Variants in CNIH3 observed in about 807,000 individuals in gnomAD.
The protein encoded by CNIH3 is protein cornichon homolog 3.
A neutral mutation model predicts 24.1 loss-of-function variants in CNIH3; 14 were observed. The ratio of observed to expected loss-of-function variants is 0.58; its 90% CI spans 0.38 to 0.91. CNIH3 has a LOEUF of 0.91. Among genes scored for constraint, CNIH3 ranks in the 40% least tolerant of loss-of-function variants. The probability of loss-of-function intolerance (pLI) is 0.00; values close to 1 mark genes in which losing one functional copy is unlikely to be tolerated. For synonymous variants in CNIH3, 68 were observed against 73.8 expected, an observed-to-expected ratio of 0.92 and a Z score of 0.40; for missense variants, 178 against 196.8, an observed-to-expected ratio of 0.90 and a Z score of 0.57.
intron 3 of CNIH3, among the ~76,000 whole-genome samples, chr1:224,710,810 C>G (rs555931783): frequency 8.8e-4 from 134 of 152,310 alleles, no homozygotes; most frequent in African/African-American, 3.1e-3. Flanking sequence ...CATTTCAGCT[C>G]AAGTGTCGTC....
chr1:224,454,816 G>C (rs1383503573), intron 1 of CNIH3, among the ~76,000 whole-genome samples: 1 of 152,038 alleles, frequency 6.6e-6, no homozygotes, highest in Non-Finnish European at 1.5e-5. Context: ...GCTTGTGGAA[G>C]GATTAACTAG....
At chr1:224,485,404 A>G (rs974774315) in intron 1 of CNIH3, among the ~76,000 whole-genome samples, 1 of 152,184 alleles carries the variant, frequency 6.6e-6, no homozygotes, top group Admixed American at 6.5e-5. Context: ...TCTAGGCATC[A>G]GCCTTCTTCC....
At chr1:224,572,630 G>GTT (rs556982330) in intron 4 of CNIH3, among the ~76,000 whole-genome samples, 4 of 141,146 alleles carry the variant, frequency 2.8e-5, no homozygotes, top group East Asian at 2.0e-4. Flanking sequence ...TTAGGATAGG[G>GTT]TTTTTTTTTT....
intron 3 of CNIH3, among the ~76,000 whole-genome samples, chr1:224,605,731 A>G (rs548302196): frequency 1.3e-5 from 2 of 151,654 alleles, no homozygotes; most frequent in African/African-American, 4.8e-5. Context: ...CCAGAAGGGG[A>G]CTCAGTGCAT....
At chr1:224,679,471 G>A (rs1686299108) in intron 1 of CNIH3, among the ~76,000 whole-genome samples, 1 of 152,192 alleles carries the variant, frequency 6.6e-6, no homozygotes, top group Admixed American at 6.5e-5. Flanking sequence ...GGCTGTGGGT[G>A]GAAGCTTCAG....
intron 1 of CNIH3, among the ~76,000 whole-genome samples, chr1:224,635,594 G>T (rs1684049451): frequency 6.6e-6 from 1 of 152,250 alleles, no homozygotes; most frequent in Non-Finnish European, 1.5e-5. Context: ...TCACAGCACA[G>T]CCGAGCCGGC....
chr1:224,590,833 A>G (rs1681727693), downstream of CNIH3, among the ~76,000 whole-genome samples: 1 of 140,434 alleles, frequency 7.1e-6, no homozygotes, highest in Admixed American at 7.4e-5. Context: ...CACCCAAGAG[A>G]TAGATCCTGG....
intron 1 of CNIH3, among the ~76,000 whole-genome samples, chr1:224,448,531 G>A (rs896027181): frequency 5.9e-5 from 9 of 152,180 alleles, no homozygotes; most frequent in African/African-American, 1.9e-4. Context: ...AGTTTTCTTG[G>A]AGTAAGTGGG....
intron 3 of CNIH3, among the ~76,000 whole-genome samples, chr1:224,707,914 C>T (rs1243360996): frequency 6.6e-6 from 1 of 152,068 alleles, no homozygotes; most frequent in African/African-American, 2.4e-5. Flanking sequence ...AGTTTCATTC[C>T]TCTGGGTGTG....
At chr1:224,484,149 C>T (rs1676931659) in intron 1 of CNIH3, among the ~76,000 whole-genome samples, 1 of 135,928 alleles carries the variant, frequency 7.4e-6, no homozygotes, top group African/African-American at 2.8e-5. Context: ...CTAGCCTGGG[C>T]AACAAGAGCA....
downstream of CNIH3, among the ~76,000 whole-genome samples, chr1:224,541,972 TC>T (rs759594177): frequency 1.3e-5 from 2 of 152,140 alleles, no homozygotes; most frequent in Non-Finnish European, 2.9e-5. Flanking sequence ...TTCAGAATCT[TC>T]CCCAGCCAAG....
intron 1 of CNIH3, among the ~76,000 whole-genome samples, chr1:224,495,030 AC>A (rs1338129938): frequency 1.3e-5 from 2 of 152,176 alleles, no homozygotes; most frequent in Non-Finnish European, 1.5e-5. Flanking sequence ...GTACTCATAC[AC>A]GCATGCACAC....
chr1:224,483,728 G>A (rs1217983484), intron 1 of CNIH3, among the ~76,000 whole-genome samples: 1 of 151,930 alleles, frequency 6.6e-6, no homozygotes, highest in Non-Finnish European at 1.5e-5. Flanking sequence ...GTGCTTTTTT[G>A]TGTAAATAGT....
intron 4 of CNIH3, chr1:224,574,602 G>T: frequency 3.7e-6 from 3 of 813,864 alleles, no homozygotes; most frequent in Admixed American, 1.7e-5. Context: ...TGACGTGGGG[G>T]TGGCCATTCG....
rs150828747 is a variant in CNIH3 at position 224,649,378 on chromosome 1, C to T, written c.82-31580C>T. 9.0e-3 allele frequency among the ~76,000 whole-genome samples: 1,368 copies of T among 152,230 alleles called. 10 individuals are homozygous for T. Among genetic ancestry groups the T allele is most frequent in the Admixed American group, 0.013 (192 of 15,290 alleles). On this transcript the variant is annotated intron_variant, in intron 1 of 5. Transcript: ENST00000272133. ...CAGAAGGAAGTAAGCCCTGCTGACACCTTGATTTTAGCCCTCCAAGACCCA... is the reference window on the plus strand; with the variant it reads ...CAGAAGGAAGTAAGCCCTGCTGACATCTTGATTTTAGCCCTCCAAGACCCA...
At chr1:224,585,290 C>T (rs1337390327) in intron 5 of CNIH3, among the ~76,000 whole-genome samples, 3 of 152,128 alleles carry the variant, frequency 2.0e-5, no homozygotes, top group Admixed American at 2.0e-4. Context: ...CAAAGCCTTC[C>T]AGACCCCGCA....
At chr1:224,526,617 T>C (rs1678857429) in intron 2 of CNIH3, among the ~76,000 whole-genome samples, 1 of 152,220 alleles carries the variant, frequency 6.6e-6, no homozygotes, top group Non-Finnish European at 1.5e-5. Context: ...GTATTACAAA[T>C]TATCTCCATT....
At chr1:224,686,000 A>G (rs1686637147) in intron 3 of CNIH3, among the ~76,000 whole-genome samples, 1 of 152,184 alleles carries the variant, frequency 6.6e-6, no homozygotes, top group Admixed American at 6.5e-5. Flanking sequence ...AACCTGCTCC[A>G]GCCAGTACTA....
rs530553091 is a variant in CNIH3 at position 224,720,332 on chromosome 1, T to C, written c.199-10130T>C. Among the ~76,000 whole-genome samples, 3 of 151,504 alleles carry C rather than the reference T, an allele frequency of 2.0e-5. No individual in the cohort carries two copies. In the South Asian group the frequency reaches 6.3e-4, roughly 32 times the overall value. ...AGACTCAGGCTTACACCAGGTTCAC[T>C]CTGTTAAGGAGCATAGCGGTGCATG... On this transcript the variant is annotated intron_variant, in intron 3 of 5. Coordinates refer to ENST00000272133, the MANE Select transcript of CNIH3 (RefSeq NM_152495.2).
Sources: allele counts gnomAD v4.1 joint callset (sites outside exome capture counted in the v4.1 genomes callset), GRCh38; gene constraint gnomAD v4.1.1; transcripts MANE v1.5; gene names NCBI Gene and HGNC (gene_info 2026-07-23, HGNC 2026-07-21).